DYNC1H1: variants seen among roughly 807,000 people sequenced by gnomAD.
DYNC1H1 encodes cytoplasmic dynein 1 heavy chain 1.
In DYNC1H1, 51 loss-of-function variants were observed where a neutral mutation model predicts 527.1. That is an observed-to-expected ratio of 0.10 (90% CI 0.08 to 0.12). DYNC1H1 has a LOEUF of 0.12. Ranked by LOEUF, DYNC1H1 falls within the 10% of genes least tolerant of loss-of-function variation. The probability of loss-of-function intolerance (pLI) is 1.00; values close to 1 mark genes in which losing one functional copy is unlikely to be tolerated. For synonymous variants in DYNC1H1, 2,189 were observed against 2,278.8 expected (o/e 0.96, Z 1.12); for missense variants, 2,771 against 5,971.8 (o/e 0.46, Z 17.66).
In DYNC1H1 at chr14:102,042,462, G is replaced by A. The variant is rs143574214; in HGVS notation, c.12354G>A (p.Pro4118=). 107 of 1,613,970 alleles carry A rather than the reference G, an allele frequency of 6.6e-5. No homozygotes were observed. The highest frequency in any genetic ancestry group is 8.1e-5 in the Non-Finnish European group (96 of 1,180,026). The stretch of plus-strand genomic sequence containing the variant: ...AGAAGAAGTTGCATTCCCTGCAGCC[G>A]CATGCCTGCTTCCGACTCTTCCTCA... ...QLEKKLHSLQ[P]HACFRLFLTM... is the part of the protein sequence containing the mutation. The change falls in exon 68 of 78, where the codon CCG becomes CCA. Residue 4118 remains proline (P), a synonymous_variant. Coordinates refer to ENST00000360184, the MANE Select transcript of DYNC1H1 (RefSeq NM_001376.5). This position sits in a 1 kb window ranked among gnomAD's most constrained non-coding sequence, Gnocchi z 5.7.
At chr14:102,006,216 T>C in intron 27 of DYNC1H1, 46 bp downstream of exon 27, 1 of 1,605,282 alleles carries the variant, frequency 6.2e-7, no homozygotes, top group Non-Finnish European at 8.5e-7. Flanking sequence ...TATATTAAAA[T>C]GTTTAAAGAT....
In DYNC1H1 at chr14:102,017,551, A is replaced by C. The variant is rs371669811; in HGVS notation, c.8177+47A>C. Reference sequence around the variant, plus strand: ...CTCTGCTTCACACACGCACAGCTCCAGGATTGCTGTAAACACAGCGCCACA... The same window carrying C: ...CTCTGCTTCACACACGCACAGCTCCCGGATTGCTGTAAACACAGCGCCACA... On this transcript the variant is annotated intron_variant, in intron 40 of 77. Transcript: ENST00000360184. The surrounding 1 kb of genome is among the most constrained non-coding windows in gnomAD (Gnocchi z 4.6). 452 of 1,547,932 alleles carry C rather than the reference A, an allele frequency of 2.9e-4. 2 individuals are homozygous for C. In the African/African-American group the frequency reaches 5.4e-3, roughly 18 times the overall value.
intron 23 of DYNC1H1, among the ~76,000 whole-genome samples, chr14:102,003,898 C>A (rs1349800681): frequency 4.0e-5 from 6 of 151,176 alleles, no homozygotes; most frequent in South Asian, 2.1e-4. Flanking sequence ...TGCACTCCAG[C>A]TGGGGTGACA....
intron 77 of DYNC1H1, 69 bp downstream of exon 77, chr14:102,050,267 C>T: frequency 1.2e-6 from 2 of 1,613,056 alleles, no homozygotes; most frequent in Non-Finnish European, 1.7e-6. Flanking sequence ...GAGGCGGCTC[C>T]TCTTCTATGC....
intron 48 of DYNC1H1, chr14:102,028,724 C>G: frequency 5.6e-6 from 1 of 177,104 alleles, no homozygotes; most frequent in Non-Finnish European, 1.2e-5. Flanking sequence ...CCCACTGCTG[C>G]TGTATGTTCA....
intron 56 of DYNC1H1, chr14:102,035,860 G>C (rs533781603): frequency 6.5e-6 from 1 of 153,190 alleles, no homozygotes; most frequent in African/African-American, 2.4e-5. Flanking sequence ...AGGCAGGGCA[G>C]CATGGTTCTT....
chr14:102,016,585 C>CA lies in DYNC1H1; in HGVS notation c.7614+97dup. ...ACCATGGACCTTGGCTTCGTCTTTT[C>CA]ATTTTATTCCATTTCATAGAAGGAC... is the stretch of plus-strand genomic sequence containing the variant. On this transcript the variant is annotated intron_variant, in intron 37 of 77. Transcript: ENST00000360184. The surrounding 1 kb of genome is among the most constrained non-coding windows in gnomAD (Gnocchi z 7.3). The CA allele has an allele frequency of 6.2e-7, 1 of 1,604,098 alleles. No homozygotes were observed. The highest frequency in any genetic ancestry group is 1.7e-4 in the Middle Eastern group (1 of 6,008).
Position 101,979,216 on chromosome 14 carries a change from A to C in DYNC1H1, c.345-103A>C. Reference sequence around the variant, plus strand: ...AGAAAGACAAGCAGTGCATTTCACTATTAGAAAAGCAACACTTCAGTATAT... The same window carrying C: ...AGAAAGACAAGCAGTGCATTTCACTCTTAGAAAAGCAACACTTCAGTATAT... On this transcript the variant is annotated intron_variant, in intron 2 of 77. Transcript: ENST00000360184. This position sits in a 1 kb window ranked among gnomAD's most constrained non-coding sequence, Gnocchi z 4.6. 1 of 1,142,462 alleles carries C rather than the reference A, an allele frequency of 8.8e-7. No individual in the cohort carries two copies. The highest frequency in any genetic ancestry group is 1.3e-6 in the Non-Finnish European group (1 of 782,744). The allele number at this position is 1,142,462 out of a possible 1,614,324, so 70.8% of individuals were successfully genotyped here. A position where few individuals can be genotyped will look rare whatever the true frequency, so the allele number is the denominator to read the frequency against.
At chr14:101,984,957 A>AAAAT (rs1193185504) in intron 7 of DYNC1H1, among the ~76,000 whole-genome samples, 1 of 146,600 alleles carries the variant, frequency 6.8e-6, no homozygotes, top group Non-Finnish European at 1.5e-5. Context: ...AAAAAAAAAA[A>AAAAT]GGAAAAGAAA....
intron 72 of DYNC1H1, chr14:102,047,571 A>G (rs1204276364): frequency 3.3e-6 from 1 of 302,500 alleles, no homozygotes; most frequent in Non-Finnish European, 6.1e-6. Context: ...ACACATATAT[A>G]TATACATACA....
chr14:102,043,552 GA>G, intron 69 of DYNC1H1: 1 of 388,984 alleles, frequency 2.6e-6, no homozygotes, highest in Admixed American at 3.7e-5. Context: ...TCTTGGGCGA[GA>G]GGAGGGGGAT....
chr14:101,999,329 A>G (rs1460377035), intron 16 of DYNC1H1, among the ~76,000 whole-genome samples: 2 of 151,892 alleles, frequency 1.3e-5, no homozygotes, highest in Non-Finnish European at 2.9e-5. Flanking sequence ...CTTACTGTTT[A>G]TTTTTAGTAG....
At chr14:101,992,488 T>C (rs1358642335) in intron 11 of DYNC1H1, among the ~76,000 whole-genome samples, 1 of 152,238 alleles carries the variant, frequency 6.6e-6, no homozygotes, top group African/African-American at 2.4e-5. Flanking sequence ...GTGTTTCTAT[T>C]TGCATTGTTC....
At chr14:102,043,778 G>A in intron 69 of DYNC1H1, 97 bp from the exon 70 acceptor site, 1 of 1,556,050 alleles carries the variant, frequency 6.4e-7, no homozygotes, top group East Asian at 2.2e-5. Flanking sequence ...AGGATGTGGA[G>A]AGCTCTTTGT....
At chr14:102,006,390 A>G (rs1441164572) in intron 27 of DYNC1H1, among the ~76,000 whole-genome samples, 2 of 151,844 alleles carry the variant, frequency 1.3e-5, no homozygotes, top group Non-Finnish European at 2.9e-5. Context: ...ACACGCCATC[A>G]CACCAGGCTA....
chr14:102,032,902 A>T (rs938569047), intron 52 of DYNC1H1, 163 bp from the exon 53 acceptor site: 1 of 707,030 alleles, frequency 1.4e-6, no homozygotes, highest in Admixed American at 2.7e-5. Context: ...GCACATTTTC[A>T]GCTTTCACCT....
chr14:102,034,611 G>A, intron 56 of DYNC1H1, 159 bp downstream of exon 56: 2 of 1,184,978 alleles, frequency 1.7e-6, no homozygotes, highest in South Asian at 1.3e-5. Context: ...GGCGTGTGCT[G>A]TTCTCGTTAT....
chr14:101,995,154 A>T, intron 14 of DYNC1H1, 27 bp from the exon 15 acceptor site: 1 of 1,614,184 alleles, frequency 6.2e-7, no homozygotes, highest in Non-Finnish European at 8.5e-7. Context: ...CAGCTCTGTG[A>T]TGAAATACTC....
At chr14:101,976,447 C>T (rs2047801662) in intron 2 of DYNC1H1, among the ~76,000 whole-genome samples, 2 of 151,014 alleles carry the variant, frequency 1.3e-5, no homozygotes, top group South Asian at 4.2e-4. Flanking sequence ...GAGGCTGAGG[C>T]AGTTGAATAG....
Sources: allele counts gnomAD v4.1 joint callset (sites outside exome capture counted in the v4.1 genomes callset), GRCh38; gene constraint gnomAD v4.1.1; non-coding constraint Gnocchi (gnomAD v3.1); transcripts MANE v1.5; gene names NCBI Gene and HGNC (gene_info 2026-07-23, HGNC 2026-07-21).